The following STK33 variants were observed in gnomAD, a reference collection of about 807,000 sequenced individuals.
STK33 encodes serine/threonine-protein kinase 33.
STK33 carries 52 observed loss-of-function variants against 58.0 expected under a neutral mutation model. The ratio of observed to expected loss-of-function variants is 0.90; its 90% CI spans 0.72 to 1.13. The LOEUF (loss-of-function observed/expected upper bound fraction) is 1.13. Ranked by LOEUF, STK33 falls within the 50% of genes most tolerant of loss-of-function variation. The pLI, the probability that STK33 is intolerant of heterozygous loss-of-function variation, is 0.00. For missense variants in STK33, 630 were observed against 604.2 expected, an observed-to-expected ratio of 1.04 and a Z score of -0.45; for synonymous variants, 215 against 200.1, an observed-to-expected ratio of 1.07 and a Z score of -0.63.
chr11:8,336,934 C>G, the STK33 span, among the ~76,000 whole-genome samples: 2 of 152,254 alleles, frequency 1.3e-5, no homozygotes, highest in African/African-American at 4.8e-5. Flanking sequence ...ACCACCGTGG[C>G]TCAGAGGAGG....
chr11:8,444,985 T>C (rs916453928), intron 11 of STK33, among the ~76,000 whole-genome samples: 2 of 152,230 alleles, frequency 1.3e-5, no homozygotes, highest in East Asian at 1.9e-4. Flanking sequence ...TTGGACACTA[T>C]GGCGATTTTC....
At chr11:8,416,461 G>C (rs191763081) in intron 14 of STK33, among the ~76,000 whole-genome samples, 1 of 152,222 alleles carries the variant, frequency 6.6e-6, no homozygotes, top group Non-Finnish European at 1.5e-5. Flanking sequence ...AACCAACAGA[G>C]AGTTATTAAG....
At chr11:8,357,177 C>T in the STK33 span, among the ~76,000 whole-genome samples, 5 of 152,246 alleles carry the variant, frequency 3.3e-5, no homozygotes, top group African/African-American at 1.2e-4. Context: ...TCAAGTTTCC[C>T]GTCCTCTGTT....
At chr11:8,489,199 G>A (rs1591440383) in intron 1 of STK33, among the ~76,000 whole-genome samples, 1 of 143,326 alleles carries the variant, frequency 7.0e-6, no homozygotes, top group East Asian at 2.2e-4. Context: ...TGAGGCTTCA[G>A]TGAGCTATGA....
chr11:8,477,760 T>C (rs1218314099), intron 2 of STK33, among the ~76,000 whole-genome samples: 1 of 152,204 alleles, frequency 6.6e-6, no homozygotes, highest in Non-Finnish European at 1.5e-5. Context: ...GTCATTATCA[T>C]ATCACTGACA....
At chr11:8,365,698 GTT>G in the STK33 span, among the ~76,000 whole-genome samples, 1 of 151,944 alleles carries the variant, frequency 6.6e-6, no homozygotes, top group Non-Finnish European at 1.5e-5. Context: ...CCTTTCCCAC[GTT>G]TCTCTCCTGA....
At chr11:8,454,623 C>A (rs943762314) in intron 10 of STK33, 121 bp downstream of exon 10, 6 of 1,226,034 alleles carry the variant, frequency 4.9e-6, no homozygotes, top group African/African-American at 4.8e-5. Context: ...TTTTTTAGCA[C>A]AAGCCACTTA....
chr11:8,495,450 A>G (rs1259794318), intron 1 of STK33, among the ~76,000 whole-genome samples: 1 of 152,328 alleles, frequency 6.6e-6, no homozygotes, highest in Non-Finnish European at 1.5e-5. Flanking sequence ...AGGAAACAAC[A>G]GATACTGGAG....
chr11:8,416,146 A>C (rs1343071800), intron 14 of STK33, among the ~76,000 whole-genome samples: 4 of 152,186 alleles, frequency 2.6e-5, no homozygotes, highest in Non-Finnish European at 5.9e-5. Flanking sequence ...AAAGTGCAGC[A>C]AAGAAAATAA....
chr11:8,345,323 A>G, the STK33 span, among the ~76,000 whole-genome samples: 2,502 of 152,324 alleles, frequency 0.016, 31 homozygotes, highest in Middle Eastern at 0.024. Context: ...AGCACTATTA[A>G]AGGCCAGGCT....
chr11:8,402,262 T>C (rs1938170049), intron 15 of STK33, among the ~76,000 whole-genome samples: 1 of 152,192 alleles, frequency 6.6e-6, no homozygotes, highest in African/African-American at 2.4e-5. Context: ...GAGGCACATA[T>C]ACACCATGGA....
rs117713351 is a variant in STK33 at position 8,433,947 on chromosome 11, G to A, written c.1146+1547C>T. On this transcript the variant is annotated intron_variant, in intron 14 of 15. Coordinates refer to ENST00000687296, the MANE Select transcript of STK33 (RefSeq NM_001352389.2). ...TGATCTTTTAAGAATATTATCGGCCGGGCATGGTGGCTCACACCTGTAATC... is the reference window on the plus strand; with the variant it reads ...TGATCTTTTAAGAATATTATCGGCCAGGCATGGTGGCTCACACCTGTAATC... The A allele has an allele frequency of 5.6e-4, 86 of 152,700 alleles. 1 individual carries two copies. The highest frequency in any genetic ancestry group is 4.2e-3 in the East Asian group (22 of 5,202). 9.5% of individuals were successfully genotyped at this position (152,700 alleles called of 1,614,324 possible).
At chr11:8,336,046 C>T in the STK33 span, among the ~76,000 whole-genome samples, 2,953 of 152,326 alleles carry the variant, frequency 0.019, 93 homozygotes, top group African/African-American at 0.067. Context: ...CTCTAGCTCC[C>T]GGCCTTCCTG....
chr11:8,521,639 A>C (rs1035039639), intron 1 of STK33, among the ~76,000 whole-genome samples: 3 of 152,224 alleles, frequency 2.0e-5, no homozygotes, highest in Non-Finnish European at 4.4e-5. Flanking sequence ...ATCTAATTAA[A>C]CTAAAGAGCT....
At chr11:8,440,139 G>A (rs946564784) in intron 12 of STK33, among the ~76,000 whole-genome samples, 1 of 151,940 alleles carries the variant, frequency 6.6e-6, no homozygotes, top group Non-Finnish European at 1.5e-5. Context: ...CATGGAGTTT[G>A]ACTGAATCTT....
chr11:8,474,752 C>G lies in STK33; in HGVS notation c.154G>C (p.Glu52Gln), dbSNP rs746601399. ...MSQTSSIGSA[E>Q]SLISLERKKE... is the part of the protein sequence containing the mutation. Reference sequence around the variant, plus strand: ...TTTCTCTCCAGTGAAATTAAAGATTCTGCACTACCAATGCTTGATGTCTGT... The same window carrying G: ...TTTCTCTCCAGTGAAATTAAAGATTGTGCACTACCAATGCTTGATGTCTGT... The change falls in exon 5 of 16, where the codon GAA becomes CAA. Residue 52 changes from glutamate (E) to glutamine (Q), a missense_variant. Physicochemically the swap from Glu to Gln is conservative, Grantham distance 29 (BLOSUM62 2). Coordinates refer to ENST00000687296, the MANE Select transcript of STK33 (RefSeq NM_001352389.2). The G allele has an allele frequency of 2.0e-5, 33 of 1,612,526 alleles. No individual in the cohort carries two copies. In the South Asian group the frequency reaches 3.6e-4, roughly 18 times the overall value.
chr11:8,453,059 C>T (rs1034283068), intron 10 of STK33, among the ~76,000 whole-genome samples, 153 bp from the exon 11 acceptor site: 1 of 152,110 alleles, frequency 6.6e-6, no homozygotes, highest in Admixed American at 6.5e-5. Flanking sequence ...TTTTGCATTT[C>T]CTTCCCCACC....
Position 8,457,495 on chromosome 11 carries a change from T to TAA in STK33, c.559-18_559-17dup. 2 of 1,564,286 alleles carry TAA rather than the reference T, an allele frequency of 1.3e-6. No individual in the cohort carries two copies. The highest frequency in any genetic ancestry group is 1.7e-6 in the Non-Finnish European group (2 of 1,146,212). ...GGTACATTTTCTGACATTATATATATAAAAGAGAGAGAGAGCAAATTATAT... is the reference window on the plus strand; with the variant it reads ...GGTACATTTTCTGACATTATATATATAAAAAAGAGAGAGAGAGCAAATTATAT... On this transcript the variant is annotated splice_polypyrimidine_tract_variant and intron_variant, in intron 8 of 15. Transcript: ENST00000687296.
At chr11:8,367,600 G>C in the STK33 span, among the ~76,000 whole-genome samples, 1 of 152,164 alleles carries the variant, frequency 6.6e-6, no homozygotes, top group Non-Finnish European at 1.5e-5. Context: ...AGGGAAAGGG[G>C]TTCCAGACTA....
Sources: allele counts gnomAD v4.1 joint callset (sites outside exome capture counted in the v4.1 genomes callset), GRCh38; gene constraint gnomAD v4.1.1; transcripts MANE v1.5; gene names NCBI Gene and HGNC (gene_info 2026-07-23, HGNC 2026-07-21).